Variants in ZNF420 observed in about 807,000 individuals in gnomAD.
The protein encoded by ZNF420 is ATM and p53-associated KZNF protein.
A neutral mutation model predicts 44.7 loss-of-function variants in ZNF420; 31 were observed. The observed-to-expected ratio is 0.69, with a 90% CI of 0.52 to 0.94. ZNF420 has a LOEUF of 0.94. ZNF420 is among the 40% of genes least tolerant of loss of function. ZNF420 has a pLI of 0.00. For synonymous variants in ZNF420, 245 were observed against 267.4 expected (o/e 0.92, Z 0.82); for missense variants, 681 against 827.9 (o/e 0.82, Z 2.18).
chr19:37,040,495 T>G (rs1297819685), intron 1 of ZNF420, among the ~76,000 whole-genome samples: 7 of 152,170 alleles, frequency 4.6e-5, no homozygotes, highest in Non-Finnish European at 1.0e-4. Flanking sequence ...GTAAAAGCAA[T>G]TGAAGAATAC....
At chr19:37,059,296 C>A (rs1430622994) in intron 1 of ZNF420, among the ~76,000 whole-genome samples, 1 of 152,218 alleles carries the variant, frequency 6.6e-6, no homozygotes, top group Admixed American at 6.5e-5. Flanking sequence ...CTTAGCGCAG[C>A]CGCGCCGCCG....
At chr19:37,115,026 G>A (rs1372954898) in intron 4 of ZNF420, 2 of 156,988 alleles carry the variant, frequency 1.3e-5, no homozygotes, top group Non-Finnish European at 2.9e-5. Context: ...GAGCTAAGAG[G>A]CATATTTACT....
intron 4 of ZNF420, among the ~76,000 whole-genome samples, chr19:37,106,303 A>G (rs1031381292): frequency 1.3e-4 from 20 of 152,180 alleles, no homozygotes; most frequent in African/African-American, 4.1e-4. Context: ...TTCTGTTTAT[A>G]TGCTGGATTA....
chr19:37,063,218 G>T (rs1214131067), intron 1 of ZNF420, among the ~76,000 whole-genome samples: 1 of 152,038 alleles, frequency 6.6e-6, no homozygotes, highest in Non-Finnish European at 1.5e-5. Context: ...CCTGAAACAG[G>T]AATTAAAAGA....
At chr19:37,058,201 C>G (rs987865287) in intron 1 of ZNF420, among the ~76,000 whole-genome samples, 1 of 152,146 alleles carries the variant, frequency 6.6e-6, no homozygotes, top group Non-Finnish European at 1.5e-5. Flanking sequence ...TCTCTCCAAA[C>G]CTGTTTCTGG....
chr19:37,098,020 G>C (rs1222230115), intron 4 of ZNF420, among the ~76,000 whole-genome samples: 2 of 151,992 alleles, frequency 1.3e-5, no homozygotes, highest in Middle Eastern at 3.4e-3. Flanking sequence ...ACTTAGGCTG[G>C]AGTGCAGTGG....
intron 4 of ZNF420, 41 bp downstream of exon 4, chr19:37,091,162 A>G: frequency 5.4e-6 from 8 of 1,482,354 alleles, no homozygotes; most frequent in Non-Finnish European, 7.2e-6. Flanking sequence ...CTACCTTTGG[A>G]TTGGCTGCTT....
chr19:37,116,143 A>T (rs1352730022), intron 4 of ZNF420, among the ~76,000 whole-genome samples: 1 of 152,048 alleles, frequency 6.6e-6, no homozygotes, highest in African/African-American at 2.4e-5. Context: ...TAAGAGGCTG[A>T]TCTCTCTTTC....
At chr19:37,095,363 C>T (rs1969382650) in intron 4 of ZNF420, among the ~76,000 whole-genome samples, 1 of 152,014 alleles carries the variant, frequency 6.6e-6, no homozygotes, top group Admixed American at 6.6e-5. Flanking sequence ...AATGCTTTAA[C>T]TTTGATCTGT....
chr19:37,015,356 C>T (rs1023831368), intron 1 of ZNF420, among the ~76,000 whole-genome samples: 3 of 152,096 alleles, frequency 2.0e-5, no homozygotes, highest in South Asian at 2.1e-4. Flanking sequence ...ATCTCCCCAC[C>T]CCGGGGAGCC....
At chr19:37,126,993 TTA>T (rs1491248485) in intron 4 of ZNF420, 133 bp from the exon 5 acceptor site, 52 of 690,312 alleles carry the variant, frequency 7.5e-5, no homozygotes, top group Non-Finnish European at 1.2e-4. Flanking sequence ...AAGGTAGGTA[TTA>T]TATGTCATAA....
At chr19:37,059,098 A>T (rs1967815781) in intron 1 of ZNF420, among the ~76,000 whole-genome samples, 1 of 152,192 alleles carries the variant, frequency 6.6e-6, no homozygotes, top group Non-Finnish European at 1.5e-5. Context: ...GGATCTGAAG[A>T]GGAGTCCTGA....
At chr19:37,078,940 T>C (rs1235884471) in intron 1 of ZNF420, among the ~76,000 whole-genome samples, 1 of 152,150 alleles carries the variant, frequency 6.6e-6, no homozygotes, top group East Asian at 1.9e-4. Flanking sequence ...CCTGATATCG[T>C]GGGATGGATT....
At chr19:37,031,000 G>GC (rs995791215) in intron 1 of ZNF420, among the ~76,000 whole-genome samples, 22 of 151,838 alleles carry the variant, frequency 1.4e-4, no homozygotes, top group South Asian at 6.3e-4. Context: ...GATTATAGGT[G>GC]CCCCCCCACC....
intron 4 of ZNF420, among the ~76,000 whole-genome samples, chr19:37,104,479 A>G (rs1166972774): frequency 6.6e-6 from 1 of 152,204 alleles, no homozygotes; most frequent in Non-Finnish European, 1.5e-5. Flanking sequence ...AGCATGATTT[A>G]TAATCCTTTG....
In ZNF420 at chr19:37,128,213, C is replaced by T; in HGVS notation, c.1222C>T (p.Gln408Ter). ...GTTTAGTCATGGCTCACAACTTACT[C>T]AACATCAGAGAATACACACTGGTGA... ...KMFSHGSQLT[Q>*]HQRIHTGEKP... is the part of the protein sequence containing the mutation. Residue 408 changes from glutamine to a stop codon, truncating the protein, a stop_gained, in exon 5 of 5, where the codon CAA becomes TAA. Coordinates refer to ENST00000337995, the MANE Select transcript of ZNF420 (RefSeq NM_144689.5). LOFTEE classifies it high-confidence loss of function. 1 of 1,614,026 alleles carries T rather than the reference C, an allele frequency of 6.2e-7. No homozygotes were observed. The highest frequency in any genetic ancestry group is 8.5e-7 in the Non-Finnish European group (1 of 1,179,962).
At chr19:37,015,468 T>C (rs943821957) in intron 1 of ZNF420, among the ~76,000 whole-genome samples, 19 of 152,132 alleles carry the variant, frequency 1.2e-4, no homozygotes, top group African/African-American at 4.6e-4. Flanking sequence ...AGCTGTCCTG[T>C]CCTCAGGATC....
Position 37,128,800 on chromosome 19 carries a change from T to G in ZNF420, c.1809T>G (p.Thr603=). Residue 603 remains threonine, a synonymous_variant, in exon 5 of 5, where the codon ACT becomes ACG. Coordinates refer to ENST00000337995, the MANE Select transcript of ZNF420 (RefSeq NM_144689.5). ...GKAFSHGSQL[T]LHQRIHTGEK... Reference sequence around the variant, plus strand: ...CCTTTAGTCATGGCTCTCAGCTTACTCTACATCAGAGAATCCATACTGGTG... The same window carrying G: ...CCTTTAGTCATGGCTCTCAGCTTACGCTACATCAGAGAATCCATACTGGTG... 6.2e-7 allele frequency: 1 copy of G among 1,613,688 alleles called. No individual in the cohort carries two copies. Among genetic ancestry groups the G allele is most frequent in the Non-Finnish European group, 8.5e-7 (1 of 1,179,942 alleles).
intron 3 of ZNF420, among the ~76,000 whole-genome samples, chr19:37,090,331 A>G (rs562267925): frequency 1.3e-5 from 2 of 151,834 alleles, no homozygotes; most frequent in Non-Finnish European, 2.9e-5. Flanking sequence ...CCCTGTCTCT[A>G]CAAAAAAATT....
Sources: gnomAD v4.1 joint callset for allele counts (sites outside exome capture counted in the v4.1 genomes callset) on GRCh38, gnomAD v4.1.1 for gene constraint, MANE v1.5 for transcripts, NCBI Gene and HGNC (gene_info 2026-07-23, HGNC 2026-07-21) for gene names.